The following CEP112 variants were observed in gnomAD, a reference collection of about 807,000 sequenced individuals.
CEP112 encodes centrosomal protein of 112 kDa.
In CEP112, 127 loss-of-function variants were observed where a neutral mutation model predicts 153.0. The observed-to-expected ratio is 0.83, with a 90% CI of 0.72 to 0.96. The LOEUF is 0.96. Among genes scored for constraint, CEP112 ranks in the 40% least tolerant of loss-of-function variants. The pLI is 0.00. For missense variants in CEP112, 1,089 were observed against 1,101.2 expected (o/e 0.99, Z 0.16); for synonymous variants, 358 against 374.4 (o/e 0.96, Z 0.51).
chr17:66,170,402 C>G (rs1330231997), intron 4 of CEP112, among the ~76,000 whole-genome samples: 2 of 152,160 alleles, frequency 1.3e-5, no homozygotes, highest in Admixed American at 1.3e-4. Flanking sequence ...AGTCTATGGT[C>G]TCCTTAGTAA....
chr17:66,170,343 G>C (rs1440784658), intron 4 of CEP112, among the ~76,000 whole-genome samples: 1 of 152,192 alleles, frequency 6.6e-6, no homozygotes, highest in Non-Finnish European at 1.5e-5. Context: ...TATAGCTCAT[G>C]ATTGTAGATC....
At chr17:65,727,654 G>A (rs984612953) in intron 23 of CEP112, among the ~76,000 whole-genome samples, 1 of 152,136 alleles carries the variant, frequency 6.6e-6, no homozygotes, top group Non-Finnish European at 1.5e-5. Flanking sequence ...CTGATAGACT[G>A]GAAAGAAGGG....
intron 18 of CEP112, among the ~76,000 whole-genome samples, chr17:65,936,104 T>G (rs183030336): frequency 6.6e-6 from 1 of 152,062 alleles, no homozygotes. Flanking sequence ...CAAGGGAGAA[T>G]TACGAACCAC....
rs189026877 is a variant in CEP112 at position 66,119,614 on chromosome 17, T to C, written c.642+10132A>G. Reference sequence around the variant, plus strand: ...TGTATAGATGTACATATAATTTGTTTATCCAGTCTCCAGTTGAGGGGCATT... The same window carrying C: ...TGTATAGATGTACATATAATTTGTTCATCCAGTCTCCAGTTGAGGGGCATT... On this transcript the variant is annotated intron_variant, in intron 6 of 26. Coordinates refer to ENST00000535342, the MANE Select transcript of CEP112 (RefSeq NM_001199165.4). Among the ~76,000 whole-genome samples the C allele has an allele frequency of 4.1e-4, 63 of 152,346 alleles. 1 individual carries two copies. Among genetic ancestry groups the C allele is most frequent in the Admixed American group, 1.7e-3 (26 of 15,306 alleles).
intron 24 of CEP112, among the ~76,000 whole-genome samples, chr17:65,687,160 A>ATTTTTTTTTTTTTTTTTTTTTTTTTTTTT (rs35675811): frequency 1.1e-5 from 1 of 90,142 alleles, no homozygotes; most frequent in Non-Finnish European, 2.0e-5. Context: ...GTTATTATTA[A>ATTTTTTTTTTTTTTTTTTTTTTTTTTTTT]TTTTTTTTTT....
chr17:65,861,556 A>T (rs1188065648), intron 20 of CEP112, among the ~76,000 whole-genome samples: 2 of 152,250 alleles, frequency 1.3e-5, no homozygotes, highest in Non-Finnish European at 2.9e-5. Context: ...AACAAGTAAA[A>T]GATAAATAAC....
chr17:65,918,519 T>C (rs1431723382), intron 19 of CEP112, among the ~76,000 whole-genome samples: 1 of 152,242 alleles, frequency 6.6e-6, no homozygotes, highest in African/African-American at 2.4e-5. Flanking sequence ...GCCACTTGTT[T>C]ATCTGCTGAA....
chr17:65,785,213 C>T (rs1598577370), intron 21 of CEP112, among the ~76,000 whole-genome samples: 1 of 152,268 alleles, frequency 6.6e-6, no homozygotes, highest in East Asian at 1.9e-4. Flanking sequence ...TTTTGTTTAT[C>T]CACTCCTCAG....
At chr17:65,916,291 G>GTGTGTGTGTA (rs1330577334) in intron 19 of CEP112, among the ~76,000 whole-genome samples, 12 of 145,654 alleles carry the variant, frequency 8.2e-5, no homozygotes, top group African/African-American at 3.1e-4. Context: ...GTGTGTGTGT[G>GTGTGTGTGTA]TATGTGTGGT....
At chr17:66,127,955 C>A (rs1453273953) in intron 6 of CEP112, among the ~76,000 whole-genome samples, 2 of 152,000 alleles carry the variant, frequency 1.3e-5, no homozygotes, top group Non-Finnish European at 2.9e-5. Context: ...AAAGTTTTTC[C>A]TTTTTACCTT....
intron 18 of CEP112, among the ~76,000 whole-genome samples, chr17:65,948,690 C>G (rs1453633328): frequency 7.2e-6 from 1 of 138,172 alleles, no homozygotes; most frequent in Non-Finnish European, 1.6e-5. Flanking sequence ...TAATAAATTT[C>G]ACCATTTCAG....
At chr17:66,003,146 C>G (rs1019488596) in intron 17 of CEP112, among the ~76,000 whole-genome samples, 7 of 152,126 alleles carry the variant, frequency 4.6e-5, no homozygotes, top group African/African-American at 1.4e-4. Flanking sequence ...TAAGATCATC[C>G]AGACATTTAG....
intron 22 of CEP112, among the ~76,000 whole-genome samples, chr17:65,743,702 A>C (rs994356870): frequency 2.6e-5 from 4 of 152,004 alleles, no homozygotes; most frequent in African/African-American, 9.7e-5. Context: ...TAACACTTTA[A>C]GTTCTTATGT....
intron 4 of CEP112, among the ~76,000 whole-genome samples, chr17:66,143,192 A>G (rs952154476): frequency 2.6e-5 from 4 of 152,222 alleles, no homozygotes; most frequent in Non-Finnish European, 5.9e-5. Context: ...CAGGGTCCAG[A>G]GATATATTCA....
At chr17:65,971,508 A>G (rs1254808351) in intron 17 of CEP112, among the ~76,000 whole-genome samples, 4 of 150,782 alleles carry the variant, frequency 2.7e-5, no homozygotes, top group South Asian at 2.1e-4. Context: ...CATATCACAC[A>G]TGCACATTAC....
At chr17:65,972,656 A>AT (rs2062885041) in intron 17 of CEP112, among the ~76,000 whole-genome samples, 1 of 152,262 alleles carries the variant, frequency 6.6e-6, no homozygotes, top group South Asian at 2.1e-4. Flanking sequence ...AAAAAAAGAA[A>AT]CAATACAAAT....
At chr17:65,844,194 A>G (rs907287407) in intron 21 of CEP112, among the ~76,000 whole-genome samples, 15 of 152,230 alleles carry the variant, frequency 9.9e-5, no homozygotes, top group Non-Finnish European at 1.9e-4. Context: ...TGTACTACAA[A>G]TTAGGTAAAA....
chr17:66,126,411 G>A (rs761021003), intron 6 of CEP112, among the ~76,000 whole-genome samples: 4 of 151,580 alleles, frequency 2.6e-5, no homozygotes, highest in Non-Finnish European at 4.4e-5. Flanking sequence ...AATGATCCAC[G>A]AGTCACTAAA....
intron 21 of CEP112, among the ~76,000 whole-genome samples, chr17:65,755,228 A>G (rs2052179993): frequency 1.3e-5 from 2 of 152,202 alleles, no homozygotes; most frequent in South Asian, 4.1e-4. Context: ...GGTCCCAGGT[A>G]ACCTGCAATC....
Sources: gnomAD v4.1 joint callset for allele counts (sites outside exome capture counted in the v4.1 genomes callset) on GRCh38, gnomAD v4.1.1 for gene constraint, MANE v1.5 for transcripts, NCBI Gene and HGNC (gene_info 2026-07-23, HGNC 2026-07-21) for gene names.